Variants in RMND5A observed in about 807,000 individuals in gnomAD.
RMND5A encodes the protein E3 ubiquitin-protein transferase RMND5A.
A neutral mutation model predicts 49.7 loss-of-function variants in RMND5A; 17 were observed. That is an observed-to-expected ratio of 0.34 (90% confidence interval 0.23 to 0.51). RMND5A has a LOEUF of 0.51. Ranked by LOEUF, RMND5A falls within the 20% of genes least tolerant of loss-of-function variation. The probability of loss-of-function intolerance (pLI) is 0.96; values close to 1 mark genes in which losing one functional copy is unlikely to be tolerated. For synonymous variants in RMND5A, 156 were observed against 167.7 expected (o/e 0.93, Z 0.54); for missense variants, 255 against 471.3 (o/e 0.54, Z 4.25).
chr2:86,747,035 A>G (rs931242525), intron 2 of RMND5A, among the ~76,000 whole-genome samples: 6 of 152,202 alleles, frequency 3.9e-5, no homozygotes, highest in Admixed American at 6.5e-5. Flanking sequence ...ATGCCTAAAT[A>G]TGGATTATTT....
At chr2:86,765,309 A>T (rs1672571789) in intron 5 of RMND5A, 116 bp downstream of exon 5, 1 of 900,984 alleles carries the variant, frequency 1.1e-6, no homozygotes, top group Admixed American at 3.0e-5. Flanking sequence ...TGTAGTTGAT[A>T]ATCACTTACA....
chr2:86,765,582 A>G, intron 5 of RMND5A: 1 of 382,726 alleles, frequency 2.6e-6, no homozygotes, highest in Middle Eastern at 7.1e-4. Flanking sequence ...TAATGTGATG[A>G]CATAATTGTT....
At chr2:86,756,954 A>G (rs751887971) in intron 4 of RMND5A, among the ~76,000 whole-genome samples, 1 of 152,102 alleles carries the variant, frequency 6.6e-6, no homozygotes, top group Non-Finnish European at 1.5e-5. Flanking sequence ...CGGGCGAATC[A>G]TCTGAGGTCA....
rs1170766972 is a variant in RMND5A at position 86,726,236 on chromosome 2, A to G, written c.142+5427A>G. Among the ~76,000 whole-genome samples the G allele has an allele frequency of 1.0e-4, 7 of 67,164 alleles. 3 individuals are homozygous for G. The highest frequency in any genetic ancestry group is 6.6e-4 in the Admixed American group (4 of 6,102). 44.1% of individuals were successfully genotyped at this position (67,164 alleles called of 152,430 possible). On this transcript the variant is annotated intron_variant, in intron 1 of 8. Transcript: ENST00000283632. ...TTGAAAAGTATGCTTATTTGTATAT[A>G]TGAATGATCTGTGCTTTTTCAGAGC...
intron 3 of RMND5A, 135 bp from the exon 4 acceptor site, chr2:86,753,323 C>T (rs1214609290): frequency 3.7e-6 from 2 of 541,452 alleles, no homozygotes; most frequent in Non-Finnish European, 6.5e-6. Flanking sequence ...TACTAGGGGG[C>T]AGTCATCAGT....
In RMND5A at chr2:86,766,016, C is replaced by G; in HGVS notation, c.846C>G (p.Leu282=). Residue 282 remains leucine, a synonymous_variant, in exon 6 of 9, where the codon CTC becomes CTG. Transcript: ENST00000283632. ...ALLGLSVESP[L]SVSFSAGCVA... is the part of the protein sequence containing the mutation. ...TGGGGCTCTCCGTGGAGTCCCCTCT[C>G]AGTGTCAGGTATGGAAATTAGCCCT... 1 of 1,613,202 alleles carries G rather than the reference C, an allele frequency of 6.2e-7. No homozygotes were observed. The highest frequency in any genetic ancestry group is 8.5e-7 in the Non-Finnish European group (1 of 1,179,566).
chr2:86,756,328 G>T (rs1681739626), intron 4 of RMND5A, among the ~76,000 whole-genome samples: 1 of 152,158 alleles, frequency 6.6e-6, no homozygotes, highest in African/African-American at 2.4e-5. Context: ...AGGAGGCGGA[G>T]TCTGCAGTGA....
intron 2 of RMND5A, among the ~76,000 whole-genome samples, chr2:86,746,611 C>T (rs1427170084): frequency 6.6e-6 from 1 of 152,250 alleles, no homozygotes; most frequent in East Asian, 1.9e-4. Context: ...AGGAACCTTT[C>T]TCAACTGGAG....
intron 4 of RMND5A, among the ~76,000 whole-genome samples, chr2:86,761,949 A>T (rs1170922920): frequency 1.3e-5 from 2 of 152,232 alleles, no homozygotes; most frequent in South Asian, 4.1e-4. Context: ...AGTGGCGTAC[A>T]GGTGTTTATA....
chr2:86,765,613 T>C, intron 5 of RMND5A: 2 of 430,040 alleles, frequency 4.7e-6, no homozygotes, highest in Non-Finnish European at 8.3e-6. Flanking sequence ...GTAATGGTAA[T>C]TATACTATGC....
intron 4 of RMND5A, among the ~76,000 whole-genome samples, chr2:86,762,325 G>A (rs1672501519): frequency 6.6e-6 from 1 of 152,116 alleles, no homozygotes; most frequent in South Asian, 2.1e-4. Context: ...AAACATTCTG[G>A]TGTCTAAAAA....
chr2:86,765,206 T>A lies in RMND5A; in HGVS notation c.688+13T>A. The A allele has an allele frequency of 6.5e-7, 1 of 1,533,226 alleles. No individual in the cohort carries two copies. The highest frequency in any genetic ancestry group is 1.8e-5 in the African/African-American group (1 of 55,702). The allele number at this position is 1,533,226 out of a possible 1,614,324, so 95.0% of individuals were successfully genotyped here. ...AATCATCAAAAAGGTGAGTCTAGAGTCAGATGTTATTAATGTTTGAAACAG... is the reference window on the plus strand; with the variant it reads ...AATCATCAAAAAGGTGAGTCTAGAGACAGATGTTATTAATGTTTGAAACAG... On this transcript the variant is annotated intron_variant, in intron 5 of 8. Coordinates refer to ENST00000283632, the MANE Select transcript of RMND5A (RefSeq NM_022780.4).
Position 86,738,600 on chromosome 2 carries a change from G to T in RMND5A, c.143-2327G>T, listed in dbSNP as rs1681419395. Among the ~76,000 whole-genome samples, 2 of 46,056 alleles carry T rather than the reference G, an allele frequency of 4.3e-5. 1 individual carries two copies. The highest frequency in any genetic ancestry group is 8.4e-5 in the Non-Finnish European group (2 of 23,798). 30.2% of individuals were successfully genotyped at this position (46,056 alleles called of 152,430 possible). Reference sequence around the variant, plus strand: ...TTTAATTAGTTTACATGCCTTCTCTGCTCAAAACCTTGCAGTGGTCCCTTT... The same window carrying T: ...TTTAATTAGTTTACATGCCTTCTCTTCTCAAAACCTTGCAGTGGTCCCTTT... On this transcript the variant is annotated intron_variant, in intron 1 of 8. Transcript: ENST00000283632.
intron 1 of RMND5A, among the ~76,000 whole-genome samples, chr2:86,733,900 CAGTTTCTTTCACATAA>C (rs1160161226): frequency 2.0e-5 from 3 of 148,188 alleles, no homozygotes; most frequent in Admixed American, 6.6e-5. Flanking sequence ...GAACTGAATC[CAGTTTCTTTCACATAA>C]AGGTTCTCCT....
chr2:86,759,467 C>T (rs1395568683), intron 4 of RMND5A, among the ~76,000 whole-genome samples: 2 of 151,984 alleles, frequency 1.3e-5, no homozygotes, highest in African/African-American at 4.8e-5. Flanking sequence ...GTTGATCTTA[C>T]TGTCATTTTT....
At chr2:86,749,292 T>C (rs530645690) in intron 2 of RMND5A, among the ~76,000 whole-genome samples, 3 of 152,350 alleles carry the variant, frequency 2.0e-5, no homozygotes, top group East Asian at 3.9e-4. Flanking sequence ...CATAATCTTA[T>C]ACAAGCAGTT....
chr2:86,746,023 C>T (rs1290273688), intron 2 of RMND5A, among the ~76,000 whole-genome samples: 2 of 152,106 alleles, frequency 1.3e-5, no homozygotes, highest in African/African-American at 4.8e-5. Flanking sequence ...GGAGTATCTA[C>T]ATTGGTGAGG....
Position 86,771,558 on chromosome 2 carries a change from A to G in RMND5A, c.958A>G (p.Ile320Val). 6.4e-7 allele frequency: 1 copy of G among 1,562,436 alleles called. No individual in the cohort carries two copies. Among genetic ancestry groups the G allele is most frequent in the Non-Finnish European group, 8.6e-7 (1 of 1,156,166 alleles). Reference sequence around the variant, plus strand: ...TTACTTTTTTTTTTTTTTTTAACAGATTGAAGTGGACCTTGGTAAAAAGTG... The same window carrying G: ...TTACTTTTTTTTTTTTTTTTAACAGGTTGAAGTGGACCTTGGTAAAAAGTG... Reference protein sequence around the residue: ...GVWNQKDELPIEVDLGKKCWY... With the variant: ...GVWNQKDELPVEVDLGKKCWY... The change falls in exon 8 of 9, where the codon ATT becomes GTT. Residue 320 changes from isoleucine to valine, a missense_variant and splice_region_variant. Around this residue, in one of 3 missense-constraint regions of RMND5A, gnomAD observed 208 missense variants for 339.8 expected, o/e 0.61. Coordinates refer to ENST00000283632, the MANE Select transcript of RMND5A (RefSeq NM_022780.4).
rs893864068 is a variant in RMND5A, at chr2:86,768,971, G to T, written c.855-1052G>T. 2.6e-5 allele frequency among the ~76,000 whole-genome samples: 4 copies of T among 152,058 alleles called. 1 individual carries two copies. The highest frequency in any genetic ancestry group is 2.6e-4 in the Admixed American group (4 of 15,260). On this transcript the variant is annotated intron_variant, in intron 6 of 8. Transcript: ENST00000283632. ...CTTTATATTTTACTTTTTGAAACAG[G>T]GTCTCATTCTGTTGCCCAGGTTGGA...
Sources: gnomAD v4.1 joint callset for allele counts (sites outside exome capture counted in the v4.1 genomes callset) on GRCh38, gnomAD v4.1.1 for gene constraint, gnomAD v4.1.1 regional missense constraint, MANE v1.5 for transcripts, NCBI Gene and HGNC (gene_info 2026-07-23, HGNC 2026-07-21) for gene names.